Variants in ITGA5 observed in about 807,000 individuals in gnomAD.
ITGA5 encodes integrin alpha-5.
A neutral mutation model predicts 146.3 loss-of-function variants in ITGA5; 55 were observed. The ratio of observed to expected loss-of-function variants is 0.38; its 90% CI spans 0.30 to 0.47. ITGA5 has a LOEUF of 0.47. Among genes scored for constraint, ITGA5 ranks in the 20% least tolerant of loss-of-function variants. The pLI is 0.99. For synonymous variants in ITGA5, 500 were observed against 531.8 expected (o/e 0.94, Z 0.82); for missense variants, 1,131 against 1,329.0 (o/e 0.85, Z 2.32).
rs752124519 is a variant in ITGA5, at chr12:54,402,963, T to C, written c.1982+20A>G. The C allele has an allele frequency of 6.2e-7, 1 of 1,611,510 alleles. No individual in the cohort carries two copies. Among genetic ancestry groups the C allele is most frequent in the South Asian group, 1.1e-5 (1 of 91,030 alleles). ...CCAGGTGCACCTGGAGCTCCCTAGC[T>C]TACCGTCAGCCCTACTTACCCAAAC... On this transcript the variant is annotated intron_variant, in intron 19 of 29. Coordinates refer to ENST00000293379, the MANE Select transcript of ITGA5 (RefSeq NM_002205.5).
intron 9 of ITGA5, 116 bp from the exon 10 acceptor site, chr12:54,406,042 G>C (rs1955862517): frequency 1.1e-6 from 1 of 870,056 alleles, no homozygotes; most frequent in Non-Finnish European, 1.9e-6. Context: ...GCAGACCACT[G>C]TCCCTAGCTC....
At position 54,419,165 on chromosome 12, in the gene ITGA5, C is replaced by T; in HGVS notation, c.34G>A (p.Ala12Thr). The stretch of plus-strand genomic sequence containing the variant: ...CGGGGGCCCCAGCGCAGCTGCACGG[C>T]GTGGAGAGGGGACTCTGGCGTCCGG... ...GSRTPESPLH[A>T]VQLRWGPRRR... Residue 12 changes from alanine to threonine, a missense_variant, in exon 1 of 30, where the codon GCC becomes ACC. Coordinates refer to ENST00000293379, the MANE Select transcript of ITGA5 (RefSeq NM_002205.5). 6.3e-7 allele frequency: 1 copy of T among 1,582,222 alleles called. No homozygotes were observed. The highest frequency in any genetic ancestry group is 1.1e-5 in the South Asian group (1 of 88,504).
Position 54,404,785 on chromosome 12 carries a change from G to T in ITGA5, c.1335C>A (p.Pro445=). 2 of 1,614,126 alleles carry T rather than the reference G, an allele frequency of 1.2e-6. No individual in the cohort carries two copies. The highest frequency in any genetic ancestry group is 4.5e-5 in the East Asian group (2 of 44,884). ...CTGGGGTGTGGCTGGCTGCCCACAG[G>T]GGCTGCAGAACCTGGGAAGGCTTAG... is the stretch of plus-strand genomic sequence containing the variant. ...LGSKPSQVLQ[P]LWAASHTPDF... is the part of the protein sequence containing the mutation. Residue 445 remains proline, a synonymous_variant, in exon 13 of 30, where the codon CCC becomes CCA. Transcript: ENST00000293379.
rs139746513 is a variant in ITGA5 at position 54,398,359 on chromosome 12, A to G, written c.2943+238T>C. On this transcript the variant is annotated intron_variant, in intron 28 of 29. Transcript: ENST00000293379. ...TCAGGTGTTCCTATTATGTGTTTTCATAAATATCACCACACTTGGAACACT... is the reference window on the plus strand; with the variant it reads ...TCAGGTGTTCCTATTATGTGTTTTCGTAAATATCACCACACTTGGAACACT... Among the ~76,000 whole-genome samples the G allele has an allele frequency of 2.2e-3, 340 of 152,316 alleles. 2 individuals carry two copies. Among genetic ancestry groups the G allele is most frequent in the African/African-American group, 8.1e-3 (337 of 41,560 alleles).
intron 1 of ITGA5, among the ~76,000 whole-genome samples, chr12:54,417,140 G>A (rs974623890): frequency 6.6e-6 from 1 of 152,092 alleles, no homozygotes; most frequent in African/African-American, 2.4e-5. Context: ...GGGAAGGGAT[G>A]AGAGAGCTAG....
In ITGA5 at chr12:54,409,636, G is replaced by T; in HGVS notation, c.350-39C>A. On this transcript the variant is annotated intron_variant, in intron 2 of 29. Transcript: ENST00000293379. This position sits in a 1 kb window ranked among gnomAD's most constrained non-coding sequence, Gnocchi z 4.7. ...GAAGGGGGAGTCTTACTGAGCCATG[G>T]ACATTTGAGCTCTAGGGCAGCCCCT... 1 of 1,439,874 alleles carries T rather than the reference G, an allele frequency of 6.9e-7. No homozygotes were observed. Among genetic ancestry groups the T allele is most frequent in the Non-Finnish European group, 9.7e-7 (1 of 1,034,556 alleles). 89.2% of individuals were successfully genotyped at this position (1,439,874 alleles called of 1,614,324 possible).
chr12:54,399,629 G>T lies in ITGA5; in HGVS notation c.2841+16C>A. 6.3e-7 allele frequency: 1 copy of T among 1,593,100 alleles called. No individual in the cohort carries two copies. Among genetic ancestry groups the T allele is most frequent in the Non-Finnish European group, 8.6e-7 (1 of 1,160,764 alleles). On this transcript the variant is annotated intron_variant, in intron 27 of 29. Transcript: ENST00000293379. Reference sequence around the variant, plus strand: ...CCCAAAGGTCAGGGGTCAGGGCTGAGGTAAGGCTCCCTCACCTGCAAGAAA... The same window carrying T: ...CCCAAAGGTCAGGGGTCAGGGCTGATGTAAGGCTCCCTCACCTGCAAGAAA...
In ITGA5 at chr12:54,395,407, C is replaced by T. The variant is rs1027177092; in HGVS notation, c.*886G>A. On this transcript the variant is annotated 3_prime_UTR_variant, in exon 30 of 30. Coordinates refer to ENST00000293379, the MANE Select transcript of ITGA5 (RefSeq NM_002205.5). The stretch of plus-strand genomic sequence containing the variant: ...CATCAGTGCAGCTGGCAGGCAGAAC[C>T]CAAATTCTGCAGGCCCAGGACAGTG... The T allele has an allele frequency of 1.3e-5, 2 of 152,702 alleles. No individual in the cohort carries two copies. Among genetic ancestry groups the T allele is most frequent in the East Asian group, 1.9e-4 (1 of 5,198 alleles). 9.5% of individuals were successfully genotyped at this position (152,702 alleles called of 1,614,324 possible). A position where few individuals can be genotyped will look rare whatever the true frequency, so the allele number is the denominator to read the frequency against.
intron 1 of ITGA5, among the ~76,000 whole-genome samples, chr12:54,414,915 G>A (rs563267334): frequency 6.6e-6 from 1 of 152,230 alleles, no homozygotes; most frequent in South Asian, 2.1e-4. Context: ...TTGGGAGGCT[G>A]AGACAGGCAG....
chr12:54,410,347 CT>C (rs68135389), intron 2 of ITGA5, among the ~76,000 whole-genome samples: 62 of 132,968 alleles, frequency 4.7e-4, no homozygotes, highest in Admixed American at 7.7e-4. Context: ...GTTCCACCTC[CT>C]TTTTTTTTTT....
At chr12:54,398,321 A>G (rs1021924913) in intron 28 of ITGA5, among the ~76,000 whole-genome samples, 2 of 152,178 alleles carry the variant, frequency 1.3e-5, no homozygotes, top group Admixed American at 1.3e-4. Context: ...TCCCTGACCC[A>G]GTTAGACTGG....
intron 9 of ITGA5, among the ~76,000 whole-genome samples, chr12:54,407,089 G>A (rs1229364047): frequency 1.3e-5 from 2 of 152,182 alleles, no homozygotes; most frequent in Non-Finnish European, 2.9e-5. Context: ...TAGAAATCAT[G>A]AATAGATAGT....
intron 9 of ITGA5, chr12:54,406,210 G>C (rs960446864): frequency 1.2e-5 from 6 of 506,890 alleles, no homozygotes; most frequent in Non-Finnish European, 2.1e-5. Context: ...AAGATCAATA[G>C]GGGCAGGAAC....
chr12:54,402,941 G>A (rs1645564621), intron 19 of ITGA5, 42 bp downstream of exon 19: 3 of 1,561,154 alleles, frequency 1.9e-6, no homozygotes, highest in Admixed American at 1.7e-5. Flanking sequence ...TCAGGTGCCA[G>A]GTGCACCTGG....
chr12:54,402,714 G>A (rs897373788), intron 19 of ITGA5, among the ~76,000 whole-genome samples: 7 of 151,076 alleles, frequency 4.6e-5, no homozygotes, highest in Admixed American at 6.6e-5. Context: ...AAAAAAAAAA[G>A]AGTAATAATA....
At position 54,396,060 on chromosome 12, in the gene ITGA5, C is replaced by T; in HGVS notation, c.*233G>A. ...GCCTCTGTCCCTGGATCTGAGTTCC[C>T]CCATCCATGAAGAGGGTATGTGTAA... On this transcript the variant is annotated 3_prime_UTR_variant, in exon 30 of 30. Transcript: ENST00000293379. The T allele has an allele frequency of 4.4e-6, 2 of 454,604 alleles. No homozygotes were observed. 28.2% of individuals were successfully genotyped at this position (454,604 alleles called of 1,614,324 possible). A position where few individuals can be genotyped will look rare whatever the true frequency, so the allele number is the denominator to read the frequency against.
chr12:54,417,870 TC>T (rs1956026990), intron 1 of ITGA5, among the ~76,000 whole-genome samples: 1 of 152,080 alleles, frequency 6.6e-6, no homozygotes, highest in Admixed American at 6.5e-5. Flanking sequence ...CTTCCCAATC[TC>T]CCCGCCATCC....
intron 9 of ITGA5, 72 bp from the exon 10 acceptor site, chr12:54,405,998 A>T: frequency 7.4e-7 from 1 of 1,354,308 alleles, no homozygotes; most frequent in South Asian, 1.2e-5. Flanking sequence ...ACAGATGTGT[A>T]CAGGACACCC....
rs1955907039 is a variant in ITGA5 at position 54,409,118 on chromosome 12, G to A, written c.583+114C>T. On this transcript the variant is annotated intron_variant, in intron 4 of 29. Transcript: ENST00000293379. The surrounding 1 kb of genome is among the most constrained non-coding windows in gnomAD (Gnocchi z 4.7). ...CGAACTGGGTTAGCCTTTATCTTAA[G>A]CAACCTAGAACCTCATGGGGGCACA... The A allele has an allele frequency of 2.7e-6, 4 of 1,485,360 alleles. No homozygotes were observed. The highest frequency in any genetic ancestry group is 1.9e-5 in the Admixed American group (1 of 52,282). 92.0% of individuals were successfully genotyped at this position (1,485,360 alleles called of 1,614,324 possible).
Sources: allele counts gnomAD v4.1 joint callset (sites outside exome capture counted in the v4.1 genomes callset), GRCh38; gene constraint gnomAD v4.1.1; non-coding constraint Gnocchi (gnomAD v3.1); transcripts MANE v1.5; gene names NCBI Gene and HGNC (gene_info 2026-07-23, HGNC 2026-07-21).